The following ANAPC13 variants were observed in gnomAD, a reference collection of about 807,000 sequenced individuals.
ANAPC13 encodes anaphase promoting complex subunit 13, also known as anaphase-promoting complex subunit 13.
In ANAPC13, 9 loss-of-function variants were observed where a neutral mutation model predicts 9.6. That is an observed-to-expected ratio of 0.94 (90% confidence interval 0.57 to 1.64). The LOEUF is 1.64. Among genes scored for constraint, ANAPC13 ranks in the 40% most tolerant of loss-of-function variants. The pLI, the probability that ANAPC13 is intolerant of heterozygous loss-of-function variation, is 0.00. For synonymous variants in ANAPC13, 30 were observed against 29.7 expected (o/e 1.01, Z -0.03); for missense variants, 75 against 85.3 (o/e 0.88, Z 0.48).
In ANAPC13 at chr3:134,477,896, A is replaced by G. The variant is rs772425982; in HGVS notation, c.*694T>C. ...AAAATACAGGTTCTTATACAAATGTATAACTAAATACTGATTCCATAGTGG... is the reference window on the plus strand; with the variant it reads ...AAAATACAGGTTCTTATACAAATGTGTAACTAAATACTGATTCCATAGTGG... On this transcript the variant is annotated 3_prime_UTR_variant, in exon 3 of 3. Coordinates refer to ENST00000354910, the MANE Select transcript of ANAPC13 (RefSeq NM_015391.4). 4.6e-5 allele frequency: 7 copies of G among 152,248 alleles called. No individual in the cohort carries two copies. The highest frequency in any genetic ancestry group is 7.3e-5 in the Non-Finnish European group (5 of 68,042). 9.4% of individuals were successfully genotyped at this position (152,248 alleles called of 1,614,324 possible). A position where few individuals can be genotyped will look rare whatever the true frequency, so the allele number is the denominator to read the frequency against.
In ANAPC13 at chr3:134,478,505, C is replaced by T; in HGVS notation, c.*85G>A. The T allele has an allele frequency of 6.6e-7, 1 of 1,511,286 alleles. No individual in the cohort carries two copies. Among genetic ancestry groups the T allele is most frequent in the Non-Finnish European group, 8.9e-7 (1 of 1,117,706 alleles). The allele number at this position is 1,511,286 out of a possible 1,614,324, so 93.6% of individuals were successfully genotyped here. A position where few individuals can be genotyped will look rare whatever the true frequency, so the allele number is the denominator to read the frequency against. On this transcript the variant is annotated 3_prime_UTR_variant, in exon 3 of 3. Transcript: ENST00000354910. ...CATTTTTGAGTGCTGATTTATTACT[C>T]AAAGGTTTGAATTTGGAGACTGAAA... is the stretch of plus-strand genomic sequence containing the variant.
At position 134,482,962 on chromosome 3, in the gene ANAPC13, C is replaced by T. The variant is rs140871696; in HGVS notation, c.-27-31G>A. The T allele has an allele frequency of 2.1e-5, 29 of 1,388,542 alleles. No individual in the cohort carries two copies. The East Asian group carries it at 3.7e-4, about 17-fold the overall frequency. The allele number at this position is 1,388,542 out of a possible 1,614,324, so 86.0% of individuals were successfully genotyped here. A position where few individuals can be genotyped will look rare whatever the true frequency, so the allele number is the denominator to read the frequency against. ...AGCCAAAGAGGTTATTTCTTAAACA[C>T]GAAGACTGAAGAGATGGTATAATCC... On this transcript the variant is annotated intron_variant, in intron 1 of 2. Transcript: ENST00000354910.
chr3:134,480,068 C>G (rs1934703170), intron 2 of ANAPC13, among the ~76,000 whole-genome samples: 1 of 152,156 alleles, frequency 6.6e-6, no homozygotes, highest in African/African-American at 2.4e-5. Context: ...ATTTACTTAT[C>G]TATATTTGAA....
chr3:134,483,978 G>A (rs993121763), intron 1 of ANAPC13, among the ~76,000 whole-genome samples: 2 of 152,232 alleles, frequency 1.3e-5, no homozygotes, highest in Non-Finnish European at 2.9e-5. Flanking sequence ...TGTCAGGTCT[G>A]TAGTTGGTCC....
At chr3:134,485,286 A>G (rs1935011297) in intron 1 of ANAPC13, 1 of 152,274 alleles carries the variant, frequency 6.6e-6, no homozygotes, top group African/African-American at 2.4e-5. Context: ...ACCCAGTACG[A>G]CCACTGTTTC....
intron 2 of ANAPC13, among the ~76,000 whole-genome samples, chr3:134,481,582 T>C (rs1361654774): frequency 6.6e-6 from 1 of 152,248 alleles, no homozygotes; most frequent in Non-Finnish European, 1.5e-5. Flanking sequence ...TTATCACAAT[T>C]ACTTATCTAT....
chr3:134,479,254 C>T (rs1446819654), intron 2 of ANAPC13, among the ~76,000 whole-genome samples: 2 of 152,080 alleles, frequency 1.3e-5, no homozygotes, highest in Admixed American at 6.6e-5. Context: ...TCTTCTTTAG[C>T]GGGAGCGTGC....
intron 2 of ANAPC13, 75 bp downstream of exon 2, chr3:134,482,731 C>T: frequency 8.6e-7 from 1 of 1,168,292 alleles, no homozygotes; most frequent in Non-Finnish European, 1.3e-6. Context: ...GTTTATCTTC[C>T]ATTGATATCC....
At chr3:134,483,979 T>C (rs1934818684) in intron 1 of ANAPC13, among the ~76,000 whole-genome samples, 1 of 152,220 alleles carries the variant, frequency 6.6e-6, no homozygotes, top group South Asian at 2.1e-4. Flanking sequence ...GTCAGGTCTG[T>C]AGTTGGTCCC....
chr3:134,485,233 C>G (rs143288795), intron 1 of ANAPC13: 1 of 152,244 alleles, frequency 6.6e-6, no homozygotes, highest in African/African-American at 2.4e-5. Flanking sequence ...CCAGGGCACA[C>G]TGATTATCTT....
At chr3:134,478,863 G>A in intron 2 of ANAPC13, 148 bp from the exon 3 acceptor site, 1 of 862,072 alleles carries the variant, frequency 1.2e-6, no homozygotes, top group Non-Finnish European at 1.8e-6. Flanking sequence ...TCATACACGT[G>A]AGGAAACTAT....
rs377142093 is a variant in ANAPC13, at chr3:134,478,557, G to C, written c.*33C>G. ...AAACCATGCTTTATCTGTGTACTTT[G>C]AGAAAATCCATCCACAAGAAAGGAG... On this transcript the variant is annotated 3_prime_UTR_variant, in exon 3 of 3. Coordinates refer to ENST00000354910, the MANE Select transcript of ANAPC13 (RefSeq NM_015391.4). 7.0e-5 allele frequency: 113 copies of C among 1,605,788 alleles called. No homozygotes were observed. Among genetic ancestry groups the C allele is most frequent in the Admixed American group, 1.0e-4 (6 of 57,632 alleles).
chr3:134,482,541 G>A (rs191637081), intron 2 of ANAPC13, among the ~76,000 whole-genome samples: 131 of 152,268 alleles, frequency 8.6e-4, no homozygotes, highest in Non-Finnish European at 8.2e-4. Flanking sequence ...TCTGGTTTTC[G>A]TGTGGTGGAC....
At chr3:134,482,484 T>G (rs1434476048) in intron 2 of ANAPC13, among the ~76,000 whole-genome samples, 1 of 152,236 alleles carries the variant, frequency 6.6e-6, no homozygotes, top group Non-Finnish European at 1.5e-5. Flanking sequence ...TGCTGCTGCT[T>G]CTTGTTCTTC....
Position 134,485,945 on chromosome 3 carries a change from C to T in ANAPC13, c.-28+7G>A. On this transcript the variant is annotated splice_region_variant and intron_variant, in intron 1 of 2. Transcript: ENST00000354910. ...AAACCTAGGCCGGGGGCGCTGGAAA[C>T]CCTTACCGGCACCCGGCCACCGCGG... 1 of 980,818 alleles carries T rather than the reference C, an allele frequency of 1.0e-6. No individual in the cohort carries two copies. The highest frequency in any genetic ancestry group is 1.2e-6 in the Non-Finnish European group (1 of 826,056). 60.8% of individuals were successfully genotyped at this position (980,818 alleles called of 1,614,324 possible). A position where few individuals can be genotyped will look rare whatever the true frequency, so the allele number is the denominator to read the frequency against.
At position 134,482,878 on chromosome 3, in the gene ANAPC13, TC is replaced by T. The variant is rs1254794919; in HGVS notation, c.26del (p.Gly9GlufsTer6). 6.2e-7 allele frequency: 1 copy of T among 1,614,142 alleles called. No homozygotes were observed. Among genetic ancestry groups the T allele is most frequent in the South Asian group, 1.1e-5 (1 of 91,086 alleles). On this transcript the variant is annotated frameshift_variant, in exon 2 of 3. Transcript: ENST00000354910. LOFTEE classifies it high-confidence loss of function. MDSEVQRD[G>X]RILDLIDDAW... ...CATCATCAATCAAATCCAAGATCCT[TC>T]CATCTCTCTGAACCTCACTGTCCAT... is the stretch of plus-strand genomic sequence containing the variant.
At chr3:134,479,065 C>A (rs1327970046) in intron 2 of ANAPC13, among the ~76,000 whole-genome samples, 1 of 152,142 alleles carries the variant, frequency 6.6e-6, no homozygotes, top group African/African-American at 2.4e-5. Context: ...ACCCTTGGGG[C>A]CTTTGTTTCT....
chr3:134,483,314 C>T (rs1036424171), intron 1 of ANAPC13: 2 of 170,574 alleles, frequency 1.2e-5, no homozygotes, highest in Non-Finnish European at 2.5e-5. Flanking sequence ...AGCTAAGTTT[C>T]CTTTCTAGCC....
intron 1 of ANAPC13, 106 bp from the exon 2 acceptor site, chr3:134,483,037 AG>A: frequency 2.6e-6 from 2 of 758,452 alleles, no homozygotes; most frequent in Non-Finnish European, 4.5e-6. Flanking sequence ...TTTTGGGAAA[AG>A]GTTCATTTTC....
Sources: gnomAD v4.1 joint callset for allele counts (sites outside exome capture counted in the v4.1 genomes callset) on GRCh38, gnomAD v4.1.1 for gene constraint, MANE v1.5 for transcripts, NCBI Gene and HGNC (gene_info 2026-07-23, HGNC 2026-07-21) for gene names.